Variants in PRCP observed in about 807,000 individuals in gnomAD.
PRCP encodes the protein lysosomal Pro-X carboxypeptidase.
A neutral mutation model predicts 54.2 loss-of-function variants in PRCP; 46 were observed. That is an observed-to-expected ratio of 0.85 (90% CI 0.67 to 1.09). The LOEUF (loss-of-function observed/expected upper bound fraction) is 1.09, where lower values mean the gene tolerates loss of function less well. PRCP is among the 50% of genes least tolerant of loss of function. PRCP has a pLI of 0.00. For synonymous variants in PRCP, 240 were observed against 212.2 expected, an observed-to-expected ratio of 1.13 and a Z score of -1.14; for missense variants, 613 against 596.8, an observed-to-expected ratio of 1.03 and a Z score of -0.28.
chr11:82,837,945 A>C (rs532848703), intron 8 of PRCP, among the ~76,000 whole-genome samples: 4 of 152,302 alleles, frequency 2.6e-5, no homozygotes, highest in African/African-American at 7.2e-5. Flanking sequence ...GGGGCTATAA[A>C]AACTACTTCA....
chr11:82,855,246 C>T (rs1859056728), intron 2 of PRCP, among the ~76,000 whole-genome samples: 1 of 152,160 alleles, frequency 6.6e-6, no homozygotes, highest in South Asian at 2.1e-4. Context: ...AAACAGACCA[C>T]CTACAGAATG....
intron 8 of PRCP, chr11:82,828,342 G>A (rs1265805657): frequency 6.6e-6 from 1 of 150,672 alleles, no homozygotes; most frequent in Non-Finnish European, 1.5e-5. Context: ...TAAGCTTTGG[G>A]ATCAGACACA....
Position 82,859,977 on chromosome 11 carries a change from C to A in PRCP, c.309G>T (p.Thr103=). Residue 103 remains threonine, a splice_region_variant and synonymous_variant, in exon 2 of 9, where the codon ACG becomes ACT. Coordinates refer to ENST00000313010, the MANE Select transcript of PRCP (RefSeq NM_005040.4). ...TGGAATTTCATGAATCTGCACATAC[C>A]GTGTTATTACAAAACCAGATAATGT... The part of the protein sequence containing the change: ...EGDIIWFCNN[T]GFMWDVAEEL... 6.4e-7 allele frequency: 1 copy of A among 1,573,966 alleles called. No homozygotes were observed. The highest frequency in any genetic ancestry group is 1.2e-5 in the South Asian group (1 of 83,328).
chr11:82,884,864 G>A (rs1405746897), intron 1 of PRCP: 3 of 1,613,572 alleles, frequency 1.9e-6, no homozygotes, highest in Admixed American at 1.7e-5. Context: ...ATACATATGT[G>A]CAACTGCCCA....
intron 1 of PRCP, among the ~76,000 whole-genome samples, chr11:82,880,144 A>G (rs575312681): frequency 6.6e-6 from 1 of 152,358 alleles, no homozygotes; most frequent in East Asian, 1.9e-4. Context: ...GGTGGAGTCT[A>G]CAGAGGCAGG....
chr11:82,840,078 A>G (rs933504042), intron 6 of PRCP: 9 of 152,006 alleles, frequency 5.9e-5, no homozygotes, highest in Non-Finnish European at 1.0e-4. Flanking sequence ...AAATTTATAA[A>G]ATCTCGTATG....
chr11:82,868,744 A>C (rs1009401940), intron 1 of PRCP, among the ~76,000 whole-genome samples: 1 of 152,170 alleles, frequency 6.6e-6, no homozygotes, highest in Non-Finnish European at 1.5e-5. Context: ...AGATGAGATT[A>C]GACTCACTGG....
chr11:82,824,936 A>C lies in PRCP; in HGVS notation c.1461T>G (p.Asp487Glu). The change falls in exon 9 of 9, where the codon GAT becomes GAG. Residue 487 changes from aspartate (D) to glutamate (E), a missense_variant. Transcript: ENST00000313010. ...EVRHMKNWIR[D>E]FYDSAGKQH ...GCTGCTTTCCCGCACTGTCATAGAA[A>C]TCTCTGATCCAATTCTTCATATGTC... 1 of 1,614,118 alleles carries C rather than the reference A, an allele frequency of 6.2e-7. No homozygotes were observed. The highest frequency in any genetic ancestry group is 1.1e-5 in the South Asian group (1 of 91,062).
At chr11:82,845,601 G>A (rs1858788947) in intron 6 of PRCP, 2 of 152,062 alleles carry the variant, frequency 1.3e-5, no homozygotes, top group South Asian at 4.1e-4. Flanking sequence ...CACCCAGAGA[G>A]GTCGCATACA....
In PRCP at chr11:82,841,269, A is replaced by G. The variant is rs534294817; in HGVS notation, c.922-1844T>C. Among the ~76,000 whole-genome samples, 543 of 145,206 alleles carry G rather than the reference A, an allele frequency of 3.7e-3. 11 individuals are homozygous for G. The highest frequency in any genetic ancestry group is 5.8e-3 in the South Asian group (27 of 4,630). ...GCCTGGCACCAGCTGCCAGCGGGGG[A>G]AAAAAAAAAAAAGGAAAACTGTAAA... is the stretch of plus-strand genomic sequence containing the variant. On this transcript the variant is annotated intron_variant, in intron 6 of 8. Transcript: ENST00000313010.
At chr11:82,884,482 G>A (rs971224294) in intron 1 of PRCP, among the ~76,000 whole-genome samples, 3 of 152,236 alleles carry the variant, frequency 2.0e-5, no homozygotes, top group East Asian at 1.9e-4. Context: ...GATTGAGCCC[G>A]GGATGTCGAG....
At chr11:82,864,527 G>T (rs748193110) in intron 1 of PRCP, among the ~76,000 whole-genome samples, 1 of 152,214 alleles carries the variant, frequency 6.6e-6, no homozygotes, top group Non-Finnish European at 1.5e-5. Context: ...AATTAGGCTC[G>T]AAGAGGTCAC....
intron 1 of PRCP, among the ~76,000 whole-genome samples, chr11:82,864,411 G>C (rs941946373): frequency 6.6e-6 from 1 of 152,170 alleles, no homozygotes; most frequent in Non-Finnish European, 1.5e-5. Context: ...TGGGACCCAC[G>C]TGCCACTCCC....
At chr11:82,900,718 G>A (rs1860264689), upstream of PRCP, 3 of 537,238 alleles carry the variant, frequency 5.6e-6, no homozygotes, top group Admixed American at 4.5e-5. Context: ...CATCGCTGTA[G>A]CCCATGCTTT....
intron 1 of PRCP, among the ~76,000 whole-genome samples, chr11:82,878,449 T>C (rs1859659061): frequency 6.6e-6 from 1 of 152,138 alleles, no homozygotes; most frequent in African/African-American, 2.4e-5. Context: ...TTCCTACATG[T>C]TGTGGGAGGG....
chr11:82,863,728 C>G (rs1859264836), intron 1 of PRCP, among the ~76,000 whole-genome samples: 1 of 152,136 alleles, frequency 6.6e-6, no homozygotes, highest in Admixed American at 6.5e-5. Flanking sequence ...AAAGTTCTTG[C>G]CAGAGAAACA....
intron 1 of PRCP, among the ~76,000 whole-genome samples, chr11:82,899,561 C>T (rs979804045): frequency 1.1e-4 from 17 of 152,182 alleles, no homozygotes; most frequent in Admixed American, 7.2e-4. Context: ...TGGGGGAATG[C>T]CTCATGCTGC....
At chr11:82,870,664 G>A (rs1455068939) in intron 1 of PRCP, among the ~76,000 whole-genome samples, 2 of 152,212 alleles carry the variant, frequency 1.3e-5, no homozygotes, top group African/African-American at 2.4e-5. Context: ...TAAAAGTTCA[G>A]CATGGAAGAA....
chr11:82,878,426 G>A lies in PRCP; in HGVS notation c.169-18309C>T, dbSNP rs574787239. Among the ~76,000 whole-genome samples the A allele has an allele frequency of 9.8e-5, 15 of 152,296 alleles. No homozygotes were observed. The South Asian group carries it at 2.1e-3, about 21-fold the overall frequency. On this transcript the variant is annotated intron_variant, in intron 1 of 8. Transcript: ENST00000313010. ...CCCCACCCAAATCTCAACTTGAATT[G>A]TATCTCCCAGAATTCCTACATGTTG...
Sources: allele counts gnomAD v4.1 joint callset (sites outside exome capture counted in the v4.1 genomes callset), GRCh38; gene constraint gnomAD v4.1.1; transcripts MANE v1.5; gene names NCBI Gene and HGNC (gene_info 2026-07-23, HGNC 2026-07-21).